ST8SIA6: variants seen among roughly 807,000 people sequenced by gnomAD.
ST8SIA6 encodes the protein ST8 alpha-N-acetyl-neuraminide alpha-2,8-sialyltransferase 6.
Under a neutral mutation model 33.6 loss-of-function variants are expected in ST8SIA6, and 39 were observed. The observed-to-expected ratio is 1.16, with a 90% CI of 0.90 to 1.52. The LOEUF (loss-of-function observed/expected upper bound fraction) is 1.52. Among genes scored for constraint, ST8SIA6 ranks in the 40% most tolerant of loss-of-function variants. The probability of loss-of-function intolerance (pLI) is 0.00; values close to 1 mark genes in which losing one functional copy is unlikely to be tolerated. For missense variants in ST8SIA6, 441 were observed against 443.8 expected (o/e 0.99, Z 0.06); for synonymous variants, 172 against 167.2 (o/e 1.03, Z -0.22).
chr10:17,408,728 T>A lies in ST8SIA6; in HGVS notation c.201-18108A>T, dbSNP rs945028411. 2.0e-5 allele frequency among the ~76,000 whole-genome samples: 3 copies of A among 152,068 alleles called. No individual in the cohort carries two copies. In the East Asian group the frequency reaches 5.8e-4, roughly 29 times the overall value. ...CACTAAAACTCAAATAAGTGAATTT[T>A]GAGAGAAGAATTTTATTTTTTATTT... On this transcript the variant is annotated intron_variant, in intron 2 of 7. Transcript: ENST00000377602.
At chr10:17,358,936 A>G (rs1849295058) in intron 4 of ST8SIA6, among the ~76,000 whole-genome samples, 2 of 152,208 alleles carry the variant, frequency 1.3e-5, no homozygotes, top group African/African-American at 2.4e-5. Context: ...GCCTCACTGC[A>G]TATTGCTTTA....
intron 2 of ST8SIA6, among the ~76,000 whole-genome samples, chr10:17,451,213 C>T (rs943076419): frequency 2.6e-5 from 4 of 152,068 alleles, no homozygotes; most frequent in African/African-American, 9.7e-5. Context: ...GAAAATGTGG[C>T]ATATATGTAC....
In ST8SIA6 at chr10:17,366,066, T is replaced by TA. The variant is rs537530046; in HGVS notation, c.291-6467dup. Among the ~76,000 whole-genome samples the TA allele has an allele frequency of 2.8e-3, 419 of 152,306 alleles. 1 individual carries two copies. Among genetic ancestry groups the TA allele is most frequent in the Middle Eastern group, 0.024 (7 of 294 alleles). ...ACAGTCAATCATTTCCACTGGGTAA[T>TA]ACTCTTTAAAGGAATAGCTAATGAG... On this transcript the variant is annotated intron_variant, in intron 3 of 7. Transcript: ENST00000377602.
Position 17,454,018 on chromosome 10 carries a change from C to A in ST8SIA6, c.101+137G>T. 3.8e-6 allele frequency: 1 copy of A among 260,640 alleles called. No individual in the cohort carries two copies. 16.1% of individuals were successfully genotyped at this position (260,640 alleles called of 1,614,324 possible). A position where few individuals can be genotyped will look rare whatever the true frequency, so the allele number is the denominator to read the frequency against. On this transcript the variant is annotated intron_variant, in intron 1 of 7. Coordinates refer to ENST00000377602, the MANE Select transcript of ST8SIA6 (RefSeq NM_001004470.3). The surrounding 1 kb of genome is among the most constrained non-coding windows in gnomAD (Gnocchi z 4.1). ...CCCCCTCCCCCACTCCACTCTCAGG[C>A]CGTCGCCGCCCGTGGGCTGCTCCCC...
At chr10:17,425,446 A>T (rs1311608303) in intron 2 of ST8SIA6, among the ~76,000 whole-genome samples, 1 of 152,098 alleles carries the variant, frequency 6.6e-6, no homozygotes, top group Non-Finnish European at 1.5e-5. Flanking sequence ...GTGCGCCTGT[A>T]ATCCCAGCTA....
At chr10:17,414,805 A>C (rs1255484811) in intron 2 of ST8SIA6, among the ~76,000 whole-genome samples, 1 of 152,156 alleles carries the variant, frequency 6.6e-6, no homozygotes, top group Non-Finnish European at 1.5e-5. Flanking sequence ...CTTATCTTCT[A>C]ATATAGTCAC....
In ST8SIA6 at chr10:17,319,246, C is replaced by T. The variant is rs546536609; in HGVS notation, c.*1632G>A. Among the ~76,000 whole-genome samples, 11 of 152,256 alleles carry T rather than the reference C, an allele frequency of 7.2e-5. No homozygotes were observed. In the South Asian group the frequency reaches 1.7e-3, roughly 23 times the overall value. On this transcript the variant is annotated 3_prime_UTR_variant, in exon 8 of 8. Coordinates refer to ENST00000377602, the MANE Select transcript of ST8SIA6 (RefSeq NM_001004470.3). ...CTTGTCGCTCTGTAATGGTGAGTTACTGCAAGTTTTTCACCAAGATCAAAA... is the reference window on the plus strand; with the variant it reads ...CTTGTCGCTCTGTAATGGTGAGTTATTGCAAGTTTTTCACCAAGATCAAAA...
At chr10:17,386,878 G>T (rs553445818) in intron 3 of ST8SIA6, 1 of 152,498 alleles carries the variant, frequency 6.6e-6, no homozygotes, top group Admixed American at 6.5e-5. Flanking sequence ...CCCCGCTTCT[G>T]CTATCTTGCT....
rs537413089 is a variant in ST8SIA6, at chr10:17,316,240, C to T, written c.*4638G>A. Among the ~76,000 whole-genome samples the T allele has an allele frequency of 9.9e-5, 15 of 152,106 alleles. No individual in the cohort carries two copies. The highest frequency in any genetic ancestry group is 2.6e-4 in the African/African-American group (11 of 41,550). ...ATATGTTTGTATGTATGCATGCATA[C>T]GCTTTAAAGTAATTAAATGGCATTG... is the stretch of plus-strand genomic sequence containing the variant. On this transcript the variant is annotated 3_prime_UTR_variant, in exon 8 of 8. Transcript: ENST00000377602.
chr10:17,419,653 TAGAC>T (rs772998904), intron 2 of ST8SIA6, among the ~76,000 whole-genome samples: 3 of 152,232 alleles, frequency 2.0e-5, no homozygotes, highest in Non-Finnish European at 2.9e-5. Flanking sequence ...AAGGAAGTCA[TAGAC>T]AGAAGAAAAA....
chr10:17,387,453 G>C (rs28366899), intron 3 of ST8SIA6, among the ~76,000 whole-genome samples: 26 of 137,072 alleles, frequency 1.9e-4, no homozygotes, highest in Admixed American at 7.1e-4. Context: ...GGGGCGGGGG[G>C]GGGGGGGTTC....
At chr10:17,432,367 C>A (rs1226370935) in intron 2 of ST8SIA6, among the ~76,000 whole-genome samples, 1 of 152,162 alleles carries the variant, frequency 6.6e-6, no homozygotes, top group African/African-American at 2.4e-5. Context: ...GACACTAGTT[C>A]TGAGGCAATT....
intron 2 of ST8SIA6, among the ~76,000 whole-genome samples, chr10:17,451,874 A>G (rs1852924454): frequency 6.6e-6 from 1 of 152,206 alleles, no homozygotes; most frequent in Admixed American, 6.5e-5. Flanking sequence ...AAATTTTAGA[A>G]AGCTTAATAA....
chr10:17,333,694 T>TATATAG (rs1848384736), intron 4 of ST8SIA6, among the ~76,000 whole-genome samples: 1 of 25,784 alleles, frequency 3.9e-5, no homozygotes, highest in African/African-American at 1.8e-4. Context: ...TATATATATA[T>TATATAG]ATATATATAT....
chr10:17,393,195 G>C (rs1850682666), intron 2 of ST8SIA6, among the ~76,000 whole-genome samples: 1 of 152,166 alleles, frequency 6.6e-6, no homozygotes, highest in South Asian at 2.1e-4. Context: ...TGGCCCCATG[G>C]TTTCCATCAA....
chr10:17,406,415 T>C (rs554909286), intron 2 of ST8SIA6, among the ~76,000 whole-genome samples: 2 of 152,334 alleles, frequency 1.3e-5, no homozygotes, highest in Middle Eastern at 3.4e-3. Context: ...TTGTCACTTC[T>C]CTGAGCTGTA....
At chr10:17,449,175 G>GA in intron 2 of ST8SIA6, among the ~76,000 whole-genome samples, 1 of 150,964 alleles carries the variant, frequency 6.6e-6, no homozygotes, top group African/African-American at 2.4e-5. Flanking sequence ...CAAAAAAGAG[G>GA]AAAAATAACA....
intron 2 of ST8SIA6, among the ~76,000 whole-genome samples, chr10:17,397,840 G>GA (rs1421420455): frequency 1.3e-5 from 2 of 151,600 alleles, no homozygotes. Flanking sequence ...AAAAAGGTTG[G>GA]AAAAAAAAGA....
chr10:17,333,710 TATATATA>T (rs1394656707), intron 4 of ST8SIA6, among the ~76,000 whole-genome samples: 10 of 35,084 alleles, frequency 2.9e-4, no homozygotes, highest in Admixed American at 7.5e-4. Context: ...TATATATATA[TATATATA>T]TTTTTTTTTT....
Sources: allele counts gnomAD v4.1 joint callset (sites outside exome capture counted in the v4.1 genomes callset), GRCh38; gene constraint gnomAD v4.1.1; non-coding constraint Gnocchi (gnomAD v3.1); transcripts MANE v1.5; gene names NCBI Gene and HGNC (gene_info 2026-07-23, HGNC 2026-07-21).